Variants in ARHGAP8 observed in about 807,000 individuals in gnomAD.
The protein encoded by ARHGAP8 is Rho GTPase activating protein 8.
A neutral mutation model predicts 46.1 loss-of-function variants in ARHGAP8; 62 were observed. That is an observed-to-expected ratio of 1.34 (90% CI 1.10 to 1.66). The LOEUF is 1.66. Among genes scored for constraint, ARHGAP8 ranks in the 40% most tolerant of loss-of-function variants. The pLI is 0.00. For synonymous variants in ARHGAP8, 375 were observed against 243.1 expected (o/e 1.54, Z -5.05); for missense variants, 923 against 568.4 (o/e 1.62, Z -6.34).
chr22:44,764,106 C>G (rs1267832731), intron 1 of ARHGAP8, among the ~76,000 whole-genome samples: 1 of 152,148 alleles, frequency 6.6e-6, no homozygotes, highest in African/African-American at 2.4e-5. Context: ...GCCACCGCGC[C>G]CGGCCATGAT....
chr22:44,833,096 C>CTTTTTT (rs533794156), intron 7 of ARHGAP8, among the ~76,000 whole-genome samples: 9 of 120,422 alleles, frequency 7.5e-5, no homozygotes, highest in Non-Finnish European at 1.6e-4. Context: ...CTTTTCTTTT[C>CTTTTTT]TTTTTTTTTT....
rs751295393 is a variant in ARHGAP8 at position 44,849,064 on chromosome 22, C to A, written c.877+4C>A. ...GAGCAGATTCTCGGGATCACCTGTGCGTAGCTGCCCTGGCGCAGGGGTGGG... is the reference window on the plus strand; with the variant it reads ...GAGCAGATTCTCGGGATCACCTGTGAGTAGCTGCCCTGGCGCAGGGGTGGG... On this transcript the variant is annotated splice_donor_region_variant and intron_variant, in intron 10 of 11. Transcript: ENST00000356099. 5 of 1,613,562 alleles carry A rather than the reference C, an allele frequency of 3.1e-6. No individual in the cohort carries two copies. In the African/African-American group the frequency reaches 5.3e-5, roughly 17 times the overall value.
Position 44,845,749 on chromosome 22 carries a change from G to T in ARHGAP8, c.670+407G>T, listed in dbSNP as rs192290725. Reference sequence around the variant, plus strand: ...TCAACTTTGATTTGCAGATACCATTGCCAGTAGGGTGGGTGCAGTCAAGAA... The same window carrying T: ...TCAACTTTGATTTGCAGATACCATTTCCAGTAGGGTGGGTGCAGTCAAGAA... On this transcript the variant is annotated intron_variant, in intron 8 of 11. Transcript: ENST00000356099. 5.3e-5 allele frequency among the ~76,000 whole-genome samples: 8 copies of T among 152,328 alleles called. No homozygotes were observed. The East Asian group carries it at 1.2e-3, about 22-fold the overall frequency.
intron 9 of ARHGAP8, among the ~76,000 whole-genome samples, chr22:44,848,622 A>C (rs966331175): frequency 3.9e-5 from 6 of 152,174 alleles, no homozygotes; most frequent in African/African-American, 7.2e-5. Flanking sequence ...CTGCGGTGTC[A>C]TCTCTGCCAC....
chr22:44,792,047 C>G (rs1043861993), intron 2 of ARHGAP8, among the ~76,000 whole-genome samples: 1 of 148,994 alleles, frequency 6.7e-6, no homozygotes, highest in African/African-American at 2.5e-5. Flanking sequence ...GAGTCTTGCT[C>G]TGTTGCCCAG....
intron 11 of ARHGAP8, among the ~76,000 whole-genome samples, chr22:44,860,962 C>CT (rs1046625634): frequency 5.3e-5 from 8 of 151,370 alleles, no homozygotes; most frequent in African/African-American, 1.9e-4. Flanking sequence ...CTCCCTGTTG[C>CT]TTGACATAAT....
rs1214680546 is a variant in ARHGAP8 at position 44,801,957 on chromosome 22, C to T, written c.80-120C>T. ...CTCAGCAGGTGTCGCCTCCGAGGAA[C>T]GCTGCTGCCTGTGCCTCCCAGCTCG... On this transcript the variant is annotated intron_variant, in intron 2 of 11. Transcript: ENST00000356099. 5.1e-5 allele frequency: 59 copies of T among 1,162,980 alleles called. 1 individual carries two copies. In the South Asian group the frequency reaches 5.7e-4, roughly 11 times the overall value. The allele number at this position is 1,162,980 out of a possible 1,614,324, so 72.0% of individuals were successfully genotyped here. A position where few individuals can be genotyped will look rare whatever the true frequency, so the allele number is the denominator to read the frequency against.
intron 2 of ARHGAP8, 111 bp from the exon 3 acceptor site, chr22:44,801,966 C>T (rs541276636): frequency 1.5e-6 from 2 of 1,290,500 alleles, no homozygotes; most frequent in African/African-American, 1.5e-5. Flanking sequence ...ACGCTGCTGC[C>T]TGTGCCTCCC....
intron 4 of ARHGAP8, among the ~76,000 whole-genome samples, chr22:44,813,494 TAC>T (rs1212243761): frequency 6.7e-6 from 1 of 149,952 alleles, no homozygotes; most frequent in Non-Finnish European, 1.5e-5. Context: ...TACATGTACA[TAC>T]ACTTACACCT....
At position 44,856,902 on chromosome 22, in the gene ARHGAP8, C is replaced by T. The variant is rs946578222; in HGVS notation, c.878-2829C>T. On this transcript the variant is annotated intron_variant, in intron 10 of 11. Transcript: ENST00000356099. ...GACTTTGACCACCCTCACACAGTCG[C>T]GCTGCAGACAGAAATCTGGGAGGCT... Among the ~76,000 whole-genome samples, 4 of 144,062 alleles carry T rather than the reference C, an allele frequency of 2.8e-5. 1 individual carries two copies. The highest frequency in any genetic ancestry group is 4.5e-5 in the Non-Finnish European group (3 of 66,680). 94.5% of individuals were successfully genotyped at this position (144,062 alleles called of 152,430 possible).
At chr22:44,770,243 CA>C (rs1193689261) in intron 1 of ARHGAP8, among the ~76,000 whole-genome samples, 1 of 151,592 alleles carries the variant, frequency 6.6e-6, no homozygotes, top group African/African-American at 2.4e-5. Flanking sequence ...GACTCCATCT[CA>C]AAAAACAAAC....
chr22:44,842,790 C>G (rs898743714), intron 7 of ARHGAP8, among the ~76,000 whole-genome samples: 3 of 152,276 alleles, frequency 2.0e-5, no homozygotes, highest in Admixed American at 2.0e-4. Flanking sequence ...CAGGAGCTCT[C>G]TTGCAACAAG....
rs111396388 is a variant in ARHGAP8, at chr22:44,795,530, C to G, written c.80-6547C>G. Among the ~76,000 whole-genome samples the G allele has an allele frequency of 3.9e-3, 587 of 152,192 alleles. 2 individuals are homozygous for G. The highest frequency in any genetic ancestry group is 0.014 in the African/African-American group (568 of 41,504). ...CACAGGTCCCCTCCCCACACTACCC[C>G]AGACAGCACAAAGCCCCCTCACCAG... On this transcript the variant is annotated intron_variant, in intron 2 of 11. Transcript: ENST00000356099.
chr22:44,820,848 A>C (rs1159421109), intron 5 of ARHGAP8, among the ~76,000 whole-genome samples: 1 of 152,100 alleles, frequency 6.6e-6, no homozygotes. Flanking sequence ...TTTAGGAACC[A>C]CCTGGCGCTG....
chr22:44,855,088 C>T (rs1017225602), intron 10 of ARHGAP8, among the ~76,000 whole-genome samples: 1 of 152,196 alleles, frequency 6.6e-6, no homozygotes, highest in African/African-American at 2.4e-5. Context: ...GCTCATGTAT[C>T]TCTAAGCCAA....
intron 11 of ARHGAP8, among the ~76,000 whole-genome samples, chr22:44,860,923 C>T (rs972995265): frequency 4.6e-5 from 7 of 152,160 alleles, no homozygotes; most frequent in Middle Eastern, 3.4e-3. Context: ...TGGAGAATGT[C>T]ACTTCTTGGT....
At chr22:44,814,438 C>G (rs1325051878) in intron 4 of ARHGAP8, among the ~76,000 whole-genome samples, 1 of 152,192 alleles carries the variant, frequency 6.6e-6, no homozygotes, top group East Asian at 1.9e-4. Context: ...CTCCGACTTG[C>G]AGCTGTGCCT....
At chr22:44,812,412 A>G (rs757483804) in intron 4 of ARHGAP8, among the ~76,000 whole-genome samples, 30 of 141,958 alleles carry the variant, frequency 2.1e-4, no homozygotes, top group Non-Finnish European at 3.6e-4. Context: ...GCTGGAGTGC[A>G]GTGGCGCGAT....
chr22:44,778,463 T>C (rs888638573), intron 1 of ARHGAP8, among the ~76,000 whole-genome samples: 3 of 152,206 alleles, frequency 2.0e-5, no homozygotes, highest in African/African-American at 7.2e-5. Context: ...ATTTTTGCGA[T>C]TGCGAATTGT....
Sources: allele counts gnomAD v4.1 joint callset (sites outside exome capture counted in the v4.1 genomes callset), GRCh38; gene constraint gnomAD v4.1.1; transcripts MANE v1.5; gene names NCBI Gene and HGNC (gene_info 2026-07-23, HGNC 2026-07-21).